Variants in CNTN4 observed in about 807,000 individuals in gnomAD.
CNTN4 encodes the protein contactin-4.
In CNTN4, 77 loss-of-function variants were observed where a neutral mutation model predicts 122.5. The observed-to-expected ratio is 0.63, with a 90% CI of 0.52 to 0.76. The LOEUF (loss-of-function observed/expected upper bound fraction) is 0.76. Among genes scored for constraint, CNTN4 ranks in the 30% least tolerant of loss-of-function variants. The pLI, the probability that CNTN4 is intolerant of heterozygous loss-of-function variation, is 0.00. For synonymous variants in CNTN4, 512 were observed against 447.0 expected (o/e 1.15, Z -1.83); for missense variants, 1,256 against 1,259.1 (o/e 1.00, Z 0.04).
At position 2,745,587 on chromosome 3, in the gene CNTN4, G is replaced by T; in HGVS notation, c.248G>T (p.Ser83Ile). 1 of 1,614,138 alleles carries T rather than the reference G, an allele frequency of 6.2e-7. No homozygotes were observed. Among genetic ancestry groups the T allele is most frequent in the Non-Finnish European group, 8.5e-7 (1 of 1,179,978 alleles). Reference sequence around the variant, plus strand: ...TTCCGCTACAGTGTTGTTGAAGGGAGCTTGTTGATCAATAACCCCAATAAA... The same window carrying T: ...TTCCGCTACAGTGTTGTTGAAGGGATCTTGTTGATCAATAACCCCAATAAA... The part of the protein sequence containing the change: ...MDFRYSVVEG[S>I]LLINNPNKTQ... Residue 83 changes from serine to isoleucine, a missense_variant, in exon 6 of 25, where the codon AGC becomes ATC. Physicochemically the swap from Ser to Ile is moderately radical, Grantham distance 142. Transcript: ENST00000418658.
chr3:2,966,806 A>C (rs1373569497), intron 13 of CNTN4, among the ~76,000 whole-genome samples: 1 of 152,196 alleles, frequency 6.6e-6, no homozygotes, highest in East Asian at 1.9e-4. Flanking sequence ...AGAATAAATA[A>C]AAGGCATTGT....
intron 2 of CNTN4, among the ~76,000 whole-genome samples, chr3:2,115,044 T>C (rs1392103412): frequency 6.6e-6 from 1 of 152,226 alleles, no homozygotes; most frequent in Non-Finnish European, 1.5e-5. Context: ...TCTTGTGTGA[T>C]GATGAAACCT....
At chr3:2,426,375 G>A (rs1036270234) in intron 3 of CNTN4, among the ~76,000 whole-genome samples, 4 of 152,128 alleles carry the variant, frequency 2.6e-5, no homozygotes, top group Non-Finnish European at 1.5e-5. Flanking sequence ...TACGTTTATT[G>A]ATTTTCGTTA....
chr3:2,103,056 T>C (rs968490890), intron 2 of CNTN4, among the ~76,000 whole-genome samples: 6 of 152,250 alleles, frequency 3.9e-5, no homozygotes, highest in East Asian at 3.9e-4. Flanking sequence ...TCTAATATTA[T>C]CTCTATTGTA....
intron 3 of CNTN4, among the ~76,000 whole-genome samples, chr3:2,446,201 G>A (rs1407176432): frequency 6.6e-6 from 1 of 152,116 alleles, no homozygotes; most frequent in Non-Finnish European, 1.5e-5. Context: ...CTTAAGCAGT[G>A]GGAGACATTT....
intron 3 of CNTN4, among the ~76,000 whole-genome samples, chr3:2,545,480 T>C (rs189092069): frequency 6.6e-6 from 1 of 152,202 alleles, no homozygotes. Context: ...CCCACTATTA[T>C]TGTGTGTAAA....
intron 4 of CNTN4, among the ~76,000 whole-genome samples, chr3:2,592,782 TCTCTG>T (rs1202300598): frequency 6.6e-6 from 1 of 152,200 alleles, no homozygotes; most frequent in Admixed American, 6.5e-5. Context: ...GTTTAACCAC[TCTCTG>T]GAGTGTTCTA....
chr3:2,232,870 C>G (rs962406464), intron 2 of CNTN4, among the ~76,000 whole-genome samples: 1 of 152,074 alleles, frequency 6.6e-6, no homozygotes, highest in Non-Finnish European at 1.5e-5. Context: ...AATGAGATGA[C>G]TTTATTATGA....
intron 3 of CNTN4, among the ~76,000 whole-genome samples, chr3:2,525,375 T>G: frequency 6.6e-6 from 1 of 152,166 alleles, no homozygotes; most frequent in East Asian, 1.9e-4. Flanking sequence ...TCATAAAAGG[T>G]ATTGTGAACA....
At chr3:2,620,139 C>G (rs987966494) in intron 4 of CNTN4, among the ~76,000 whole-genome samples, 1 of 152,112 alleles carries the variant, frequency 6.6e-6, no homozygotes, top group African/African-American at 2.4e-5. Flanking sequence ...CATATGAAAT[C>G]ATATTTTACT....
chr3:2,387,321 A>T (rs924952187), intron 3 of CNTN4, among the ~76,000 whole-genome samples: 1 of 152,174 alleles, frequency 6.6e-6, no homozygotes, highest in Non-Finnish European at 1.5e-5. Flanking sequence ...TAAATATTTA[A>T]CCTGATGAGT....
intron 8 of CNTN4, among the ~76,000 whole-genome samples, chr3:2,872,431 TG>T (rs1366335898): frequency 1.8e-4 from 28 of 152,310 alleles, no homozygotes; most frequent in Admixed American, 1.7e-3. Context: ...TCCTGGAGAC[TG>T]GTTGGGGACT....
At chr3:2,643,817 C>G (rs1235383287) in intron 4 of CNTN4, among the ~76,000 whole-genome samples, 1 of 152,126 alleles carries the variant, frequency 6.6e-6, no homozygotes, top group Non-Finnish European at 1.5e-5. Context: ...CTCCCTGACT[C>G]CCTATATGTG....
chr3:2,844,963 G>C (rs936197829), intron 7 of CNTN4, among the ~76,000 whole-genome samples: 1 of 152,178 alleles, frequency 6.6e-6, no homozygotes, highest in Non-Finnish European at 1.5e-5. Context: ...TAGGTGTTGA[G>C]TTGGACACTG....
intron 2 of CNTN4, among the ~76,000 whole-genome samples, chr3:2,124,663 A>G (rs1330322466): frequency 6.6e-6 from 1 of 151,896 alleles, no homozygotes; most frequent in Non-Finnish European, 1.5e-5. Context: ...GATCCCAGCT[A>G]CATGGGAGGC....
intron 3 of CNTN4, among the ~76,000 whole-genome samples, chr3:2,450,732 T>C (rs912156107): frequency 3.3e-5 from 5 of 152,212 alleles, no homozygotes; most frequent in African/African-American, 1.2e-4. Context: ...TGAATTTGGC[T>C]TGGACCAAAG....
chr3:2,568,250 T>C (rs2149473390), intron 3 of CNTN4, among the ~76,000 whole-genome samples: 1 of 147,294 alleles, frequency 6.8e-6, no homozygotes, highest in Admixed American at 7.0e-5. Context: ...ACTGAGGTCT[T>C]CAGTGTCACT....
At chr3:3,000,246 A>T (rs1695908022) in intron 14 of CNTN4, among the ~76,000 whole-genome samples, 1 of 152,136 alleles carries the variant, frequency 6.6e-6, no homozygotes, top group African/African-American at 2.4e-5. Context: ...AAATATAGAG[A>T]TCTACTGATA....
At chr3:2,581,844 C>T in intron 4 of CNTN4, among the ~76,000 whole-genome samples, 1 of 152,174 alleles carries the variant, frequency 6.6e-6, no homozygotes, top group Non-Finnish European at 1.5e-5. Flanking sequence ...ACTGATACTA[C>T]AACATGGACA....
Sources: allele counts gnomAD v4.1 joint callset (sites outside exome capture counted in the v4.1 genomes callset), GRCh38; gene constraint gnomAD v4.1.1; transcripts MANE v1.5; gene names NCBI Gene and HGNC (gene_info 2026-07-23, HGNC 2026-07-21).